The following BFSP2 variants were observed in gnomAD, a reference collection of about 807,000 sequenced individuals.
BFSP2 encodes the protein beaded filament structural protein 2.
BFSP2 carries 38 observed loss-of-function variants against 44.9 expected under a neutral mutation model. The ratio of observed to expected loss-of-function variants is 0.85; its 90% confidence interval spans 0.65 to 1.11. The LOEUF (loss-of-function observed/expected upper bound fraction) is 1.11, where lower values mean the gene tolerates loss of function less well. Among genes scored for constraint, BFSP2 ranks in the 50% least tolerant of loss-of-function variants. BFSP2 has a pLI of 0.00. For synonymous variants in BFSP2, 197 were observed against 209.9 expected (o/e 0.94, Z 0.53); for missense variants, 525 against 533.0 (o/e 0.99, Z 0.15).
chr3:133,472,316 G>A, intron 5 of BFSP2, 29 bp from the exon 6 acceptor site: 2 of 1,595,214 alleles, frequency 1.3e-6, no homozygotes, highest in African/African-American at 1.3e-5. Context: ...TGTTGTCCTC[G>A]GGTTTGGACC....
chr3:133,433,722 T>G (rs199937417), intron 1 of BFSP2, among the ~76,000 whole-genome samples: 1 of 152,184 alleles, frequency 6.6e-6, no homozygotes. Context: ...CAGCCAAGCA[T>G]TTTTTCAGGC....
chr3:133,406,935 A>G (rs1352836475), intron 1 of BFSP2, among the ~76,000 whole-genome samples: 1 of 152,212 alleles, frequency 6.6e-6, no homozygotes, highest in Non-Finnish European at 1.5e-5. Context: ...GAGGCTGGGC[A>G]TGTGGGCAAA....
At chr3:133,418,837 C>T (rs990074371) in intron 1 of BFSP2, among the ~76,000 whole-genome samples, 17 of 152,202 alleles carry the variant, frequency 1.1e-4, no homozygotes, top group South Asian at 4.1e-4. Context: ...CCTTGTGTTG[C>T]GTGACGTCTG....
chr3:133,450,182 T>C, intron 3 of BFSP2, 121 bp from the exon 4 acceptor site: 1 of 1,116,972 alleles, frequency 9.0e-7, no homozygotes, highest in Non-Finnish European at 1.3e-6. Context: ...CTGTGAAGCC[T>C]GTGTCTGGCA....
chr3:133,446,040 G>A (rs2073893227), intron 1 of BFSP2, among the ~76,000 whole-genome samples: 1 of 152,168 alleles, frequency 6.6e-6, no homozygotes, highest in South Asian at 2.1e-4. Flanking sequence ...ATTAAGAACT[G>A]GGAAAGGGAG....
At chr3:133,449,500 TTTTGTTTGTTTGTTTGTTTGTTTG>T in intron 3 of BFSP2, among the ~76,000 whole-genome samples, 1 of 150,966 alleles carries the variant, frequency 6.6e-6, no homozygotes, top group Non-Finnish European at 1.5e-5. Flanking sequence ...ACATGTGGTT[TTTTGTTTGTTTGTTTGTTTGTTTG>T]TTTGTTTGTT....
chr3:133,471,204 T>C (rs891862386), intron 5 of BFSP2, among the ~76,000 whole-genome samples: 1 of 151,936 alleles, frequency 6.6e-6, no homozygotes, highest in Non-Finnish European at 1.5e-5. Context: ...TATTTGTGTG[T>C]GGAACTCAGG....
chr3:133,425,807 G>GGAAGGGAAGGGAAATAAA (rs1291427260), intron 1 of BFSP2, among the ~76,000 whole-genome samples: 50 of 120,550 alleles, frequency 4.1e-4, no homozygotes, highest in African/African-American at 1.3e-3. Context: ...AGGGAAGAAG[G>GGAAGGGAAGGGAAATAAA]GAAGGGAAGG....
intron 1 of BFSP2, among the ~76,000 whole-genome samples, chr3:133,402,671 C>T (rs2073371711): frequency 6.8e-6 from 1 of 146,988 alleles, no homozygotes; most frequent in African/African-American, 2.5e-5. Flanking sequence ...GATGGAGTCT[C>T]ATTCTGTCAC....
At chr3:133,447,460 G>A in intron 2 of BFSP2, 61 bp downstream of exon 2, 5 of 1,539,240 alleles carry the variant, frequency 3.2e-6, no homozygotes, top group Non-Finnish European at 4.5e-6. Context: ...GGCAAGTGTG[G>A]ATAATGCTGT....
At chr3:133,451,959 G>A (rs1263620505) in intron 4 of BFSP2, among the ~76,000 whole-genome samples, 2 of 152,198 alleles carry the variant, frequency 1.3e-5, no homozygotes, top group Non-Finnish European at 2.9e-5. Context: ...AAATAAGGTA[G>A]ATGTCTGAGT....
intron 1 of BFSP2, among the ~76,000 whole-genome samples, chr3:133,403,749 A>C (rs1198752628): frequency 6.6e-6 from 1 of 152,176 alleles, no homozygotes; most frequent in Non-Finnish European, 1.5e-5. Context: ...CCCAGCTAGC[A>C]CAGAAAGCTC....
chr3:133,410,553 G>A (rs2073442320), intron 1 of BFSP2: 1 of 278,820 alleles, frequency 3.6e-6, no homozygotes, highest in Non-Finnish European at 7.5e-6. Flanking sequence ...GGACCCTAAT[G>A]CAAACGGGGA....
chr3:133,422,105 CA>C (rs35193779), intron 1 of BFSP2, among the ~76,000 whole-genome samples: 19 of 84,082 alleles, frequency 2.3e-4, no homozygotes, highest in Admixed American at 5.7e-4. Flanking sequence ...GACTCCATCT[CA>C]AAAAAAAAAA....
In BFSP2 at chr3:133,410,625, T is replaced by G. The variant is rs529864420; in HGVS notation, c.489+10053T>G. On this transcript the variant is annotated intron_variant, in intron 1 of 6. Coordinates refer to ENST00000302334, the MANE Select transcript of BFSP2 (RefSeq NM_003571.4). ...CTCAAATCAGTCTTTCCCACCTTCGTTGATGTCAAAGTTCAGTTCAATGTT... is the reference window on the plus strand; with the variant it reads ...CTCAAATCAGTCTTTCCCACCTTCGGTGATGTCAAAGTTCAGTTCAATGTT... 6 of 300,500 alleles carry G rather than the reference T, an allele frequency of 2.0e-5. No individual in the cohort carries two copies. The East Asian group carries it at 2.9e-4, about 15-fold the overall frequency. 18.6% of individuals were successfully genotyped at this position (300,500 alleles called of 1,614,324 possible). A position where few individuals can be genotyped will look rare whatever the true frequency, so the allele number is the denominator to read the frequency against.
intron 1 of BFSP2, among the ~76,000 whole-genome samples, chr3:133,415,364 C>G (rs1157620123): frequency 7.1e-5 from 2 of 28,238 alleles, no homozygotes; most frequent in Non-Finnish European, 1.4e-4. Flanking sequence ...ACTCACCCCT[C>G]TACTCAACCC....
chr3:133,474,912 A>G (rs755802014), intron 6 of BFSP2, 57 bp from the exon 7 acceptor site: 1 of 1,607,790 alleles, frequency 6.2e-7, no homozygotes, highest in Admixed American at 1.7e-5. Flanking sequence ...TCCTATTGTG[A>G]TAGAATGACC....
chr3:133,416,494 T>C (rs1576563082), intron 1 of BFSP2, among the ~76,000 whole-genome samples: 2 of 138,210 alleles, frequency 1.4e-5, no homozygotes, highest in African/African-American at 5.5e-5. Context: ...CTCATCCCTG[T>C]CCTGTGTCTG....
chr3:133,457,326 C>T (rs547688160), intron 4 of BFSP2, among the ~76,000 whole-genome samples: 59 of 152,292 alleles, frequency 3.9e-4, no homozygotes, highest in African/African-American at 1.4e-3. Context: ...CACAAAAGGG[C>T]CCTGTTTGCT....
Sources: gnomAD v4.1 joint callset for allele counts (sites outside exome capture counted in the v4.1 genomes callset) on GRCh38, gnomAD v4.1.1 for gene constraint, MANE v1.5 for transcripts, NCBI Gene and HGNC (gene_info 2026-07-23, HGNC 2026-07-21) for gene names.